GRB14: variants seen among roughly 807,000 people sequenced by gnomAD.
GRB14 encodes the protein growth factor receptor-bound protein 14.
In GRB14, 38 loss-of-function variants were observed where a neutral mutation model predicts 69.1. The ratio of observed to expected loss-of-function variants is 0.55; its 90% CI spans 0.42 to 0.72. The LOEUF (loss-of-function observed/expected upper bound fraction) is 0.72, where lower values mean the gene tolerates loss of function less well. Ranked by LOEUF, GRB14 falls within the 30% of genes least tolerant of loss-of-function variation. The probability of loss-of-function intolerance (pLI) is 0.00; values close to 1 mark genes in which losing one functional copy is unlikely to be tolerated. For missense variants in GRB14, 666 were observed against 666.1 expected (o/e 1.00, Z 0.00); for synonymous variants, 247 against 241.3 (o/e 1.02, Z -0.22).
intron 3 of GRB14, among the ~76,000 whole-genome samples, chr2:164,536,991 G>A (rs1009157639): frequency 6.6e-6 from 1 of 152,148 alleles, no homozygotes; most frequent in Non-Finnish European, 1.5e-5. Context: ...GTATGAGTAC[G>A]GACGGTGGCA....
At chr2:164,577,707 A>G (rs1049790122) in intron 2 of GRB14, among the ~76,000 whole-genome samples, 2 of 152,192 alleles carry the variant, frequency 1.3e-5, no homozygotes, top group African/African-American at 2.4e-5. Flanking sequence ...TAGTTAGCCA[A>G]TTTTTAAAAA....
chr2:164,578,711 T>G (rs757041425), intron 2 of GRB14, among the ~76,000 whole-genome samples: 3 of 152,150 alleles, frequency 2.0e-5, no homozygotes, highest in African/African-American at 7.2e-5. Context: ...TATTCTCTAA[T>G]ACTGATAAAA....
At position 164,525,062 on chromosome 2, in the gene GRB14, T is replaced by G; in HGVS notation, c.620A>C (p.His207Pro). The G allele has an allele frequency of 6.3e-7, 1 of 1,585,318 alleles. No individual in the cohort carries two copies. Among genetic ancestry groups the G allele is most frequent in the Non-Finnish European group, 8.6e-7 (1 of 1,161,124 alleles). ...FKNPMYFFPE[H>P]MVSFATETNG... ...GGTTTCAGTTGCAAAAGATACCATA[T>G]GCTCTGGAAAAAAATACTGTCAAAA... Residue 207 changes from histidine (H) to proline (P), a missense_variant, in exon 5 of 14, where the codon CAT becomes CCT. His to Pro is a moderately conservative substitution (Grantham distance 77). Transcript: ENST00000263915.
chr2:164,587,720 A>C (rs1298994452), intron 2 of GRB14, among the ~76,000 whole-genome samples: 2 of 152,190 alleles, frequency 1.3e-5, no homozygotes, highest in African/African-American at 2.4e-5. Context: ...TTTCCAATGC[A>C]AGATCTGCTA....
At chr2:164,618,179 A>C (rs1057049032) in intron 2 of GRB14, among the ~76,000 whole-genome samples, 14 of 151,792 alleles carry the variant, frequency 9.2e-5, no homozygotes, top group African/African-American at 1.2e-4. Context: ...GTTGGACAGG[A>C]TGGTCTCAAT....
Position 164,621,118 on chromosome 2 carries a change from C to T in GRB14, c.191+1G>A. The T allele has an allele frequency of 8.0e-7, 1 of 1,246,200 alleles. No individual in the cohort carries two copies. Among genetic ancestry groups the T allele is most frequent in the East Asian group, 3.2e-5 (1 of 31,696 alleles). The allele number at this position is 1,246,200 out of a possible 1,614,324, so 77.2% of individuals were successfully genotyped here. ...CCCCCGCGCCCTCCAGGGTTGCCTACCTGTCTGCAGCACAGCCGCGGGTCC... is the reference window on the plus strand; with the variant it reads ...CCCCCGCGCCCTCCAGGGTTGCCTATCTGTCTGCAGCACAGCCGCGGGTCC... On this transcript the variant is annotated splice_donor_variant, in intron 1 of 13. Transcript: ENST00000263915. LOFTEE classifies it high-confidence loss of function. The surrounding 1 kb of genome is among the most constrained non-coding windows in gnomAD (Gnocchi z 6.0).
At chr2:164,525,119 T>C (rs1401415163) in intron 4 of GRB14, 41 bp from the exon 5 acceptor site, 1 of 1,281,226 alleles carries the variant, frequency 7.8e-7, no homozygotes, top group Admixed American at 1.9e-5. Flanking sequence ...AAATTCATGC[T>C]AGAAAAGATT....
chr2:164,507,473 T>A (rs963579262), intron 8 of GRB14, among the ~76,000 whole-genome samples: 19 of 151,780 alleles, frequency 1.3e-4, no homozygotes, highest in Non-Finnish European at 2.8e-4. Context: ...AGAAAAGGAT[T>A]ATATATATCT....
At chr2:164,544,886 C>A (rs769884552) in intron 3 of GRB14, among the ~76,000 whole-genome samples, 12 of 152,176 alleles carry the variant, frequency 7.9e-5, no homozygotes, top group Non-Finnish European at 1.3e-4. Context: ...TCAGGGAATG[C>A]ATGTAGTGTT....
At position 164,547,787 on chromosome 2, in the gene GRB14, G is replaced by A; in HGVS notation, c.354C>T (p.Thr118=). ...QVIKVYSEDE[T]SRALDVPSDI... ...CACTGGGTACATCTAAAGCCCTGCT[G>A]GTTTCATCTTCACTGTATACTTTAA... Residue 118 remains threonine (T), a synonymous_variant, in exon 3 of 14, where the codon ACC becomes ACT. Transcript: ENST00000263915. 6.2e-7 allele frequency: 1 copy of A among 1,613,282 alleles called. No individual in the cohort carries two copies. Among genetic ancestry groups the A allele is most frequent in the South Asian group, 1.1e-5 (1 of 90,980 alleles).
At chr2:164,508,681 T>C (rs1687256625) in intron 7 of GRB14, 61 bp downstream of exon 7, 2 of 1,469,006 alleles carry the variant, frequency 1.4e-6, no homozygotes, top group Non-Finnish European at 1.9e-6. Context: ...TAAAGGAAAC[T>C]CAAGCTTACC....
At chr2:164,539,059 A>T (rs1185483923) in intron 3 of GRB14, among the ~76,000 whole-genome samples, 1 of 152,250 alleles carries the variant, frequency 6.6e-6, no homozygotes, top group Non-Finnish European at 1.5e-5. Context: ...GCTTCAGTGG[A>T]AAATGCAGAT....
rs780536521 is a variant in GRB14, at chr2:164,502,192, G to A, written c.1104+63C>T. ...TTATTATAAGATACTGTTATGTAGT[G>A]TAATTTAAATTAATATAATGTGAAT... On this transcript the variant is annotated intron_variant, in intron 9 of 13. Transcript: ENST00000263915. 3.2e-5 allele frequency: 26 copies of A among 811,808 alleles called. No individual in the cohort carries two copies. The East Asian group carries it at 3.6e-4, about 11-fold the overall frequency. The allele number at this position is 811,808 out of a possible 1,614,324, so 50.3% of individuals were successfully genotyped here. A position where few individuals can be genotyped will look rare whatever the true frequency, so the allele number is the denominator to read the frequency against.
At chr2:164,550,868 C>T (rs989438938) in intron 2 of GRB14, among the ~76,000 whole-genome samples, 7 of 152,170 alleles carry the variant, frequency 4.6e-5, no homozygotes, top group Non-Finnish European at 1.0e-4. Context: ...GTCTACCAGT[C>T]GCCTACTCCT....
chr2:164,496,223 C>T (rs1686889735), intron 12 of GRB14, among the ~76,000 whole-genome samples: 1 of 152,094 alleles, frequency 6.6e-6, no homozygotes, highest in Non-Finnish European at 1.5e-5. Context: ...GATAAAAGAT[C>T]CCATCACCAC....
intron 6 of GRB14, among the ~76,000 whole-genome samples, chr2:164,511,687 A>G (rs892373429): frequency 1.3e-5 from 2 of 152,116 alleles, no homozygotes; most frequent in African/African-American, 4.8e-5. Context: ...AACCTAGCAC[A>G]TTTGCAGTTG....
chr2:164,503,183 AAAAAG>A (rs1224805856), intron 8 of GRB14, among the ~76,000 whole-genome samples: 1 of 150,742 alleles, frequency 6.6e-6, no homozygotes. Context: ...AAAAAAAAAA[AAAAAG>A]AAAAGAAAAA....
chr2:164,496,751 T>C (rs556840297), intron 12 of GRB14, among the ~76,000 whole-genome samples: 1 of 152,304 alleles, frequency 6.6e-6, no homozygotes, highest in East Asian at 1.9e-4. Flanking sequence ...ATGGGTAATA[T>C]TAGTGATCAC....
intron 2 of GRB14, among the ~76,000 whole-genome samples, chr2:164,600,540 A>T (rs1395189989): frequency 6.6e-6 from 1 of 152,116 alleles, no homozygotes; most frequent in Admixed American, 6.5e-5. Context: ...CCCCAGAATT[A>T]TAAGAATCTC....
Sources: allele counts gnomAD v4.1 joint callset (sites outside exome capture counted in the v4.1 genomes callset), GRCh38; gene constraint gnomAD v4.1.1; non-coding constraint Gnocchi (gnomAD v3.1); transcripts MANE v1.5; gene names NCBI Gene and HGNC (gene_info 2026-07-23, HGNC 2026-07-21).